The following SAMD3 variants were observed in gnomAD, a reference collection of about 807,000 sequenced individuals.
The protein encoded by SAMD3 is sterile alpha motif domain-containing protein 3.
SAMD3 carries 63 observed loss-of-function variants against 58.5 expected under a neutral mutation model. The observed-to-expected ratio is 1.08, with a 90% CI of 0.88 to 1.33. The LOEUF is 1.33. SAMD3 is among the 40% of genes most tolerant of loss of function. The probability of loss-of-function intolerance (pLI) is 0.00; values close to 1 mark genes in which losing one functional copy is unlikely to be tolerated. For missense variants in SAMD3, 604 were observed against 608.4 expected, an observed-to-expected ratio of 0.99 and a Z score of 0.08; for synonymous variants, 220 against 210.3, an observed-to-expected ratio of 1.05 and a Z score of -0.40.
intron 9 of SAMD3, among the ~76,000 whole-genome samples, chr6:130,147,265 T>A (rs551921020): frequency 2.6e-5 from 4 of 152,228 alleles, no homozygotes; most frequent in Non-Finnish European, 5.9e-5. Flanking sequence ...TTGAATGTTT[T>A]GGTAGATCAT....
intron 2 of SAMD3, among the ~76,000 whole-genome samples, chr6:130,246,009 A>C (rs1258545680): frequency 4.6e-5 from 7 of 152,194 alleles, no homozygotes; most frequent in African/African-American, 1.7e-4. Context: ...AGGGAAGCAT[A>C]GATCAATCTG....
At chr6:130,318,433 T>A (rs574776145) in intron 1 of SAMD3, among the ~76,000 whole-genome samples, 57 of 152,262 alleles carry the variant, frequency 3.7e-4, no homozygotes, top group East Asian at 7.7e-4. Flanking sequence ...ATTTTTTTTT[T>A]AATTTTTTAT....
At chr6:130,204,937 T>C (rs566060397) in intron 5 of SAMD3, among the ~76,000 whole-genome samples, 15 of 152,160 alleles carry the variant, frequency 9.9e-5, no homozygotes, top group African/African-American at 3.1e-4. Context: ...GGACTACATA[T>C]TGAGGTGCAG....
chr6:130,196,422 CTG>C lies in SAMD3; in HGVS notation c.384-11801_384-11800del, dbSNP rs1794120440. On this transcript the variant is annotated intron_variant, in intron 5 of 11. Coordinates refer to ENST00000439090, the MANE Select transcript of SAMD3 (RefSeq NM_001017373.4). ...CTGATACCACACCTGACCCTCATGACTGTATCTCTCTGATCCACCTGACGTTC... is the reference window on the plus strand; with the variant it reads ...CTGATACCACACCTGACCCTCATGACTATCTCTCTGATCCACCTGACGTTC... 2.6e-5 allele frequency among the ~76,000 whole-genome samples: 4 copies of C among 152,302 alleles called. No individual in the cohort carries two copies. In the South Asian group the frequency reaches 8.3e-4, roughly 32 times the overall value.
chr6:130,204,942 G>C (rs1038759490), intron 5 of SAMD3, among the ~76,000 whole-genome samples: 2 of 151,998 alleles, frequency 1.3e-5, no homozygotes, highest in African/African-American at 4.8e-5. Context: ...ACATATTGAG[G>C]TGCAGGAGAC....
Position 130,222,874 on chromosome 6 carries a change from A to T in SAMD3, c.-248T>A, listed in dbSNP as rs1351233140. On this transcript the variant is annotated 5_prime_UTR_variant, in exon 1 of 12. Coordinates refer to ENST00000439090, the MANE Select transcript of SAMD3 (RefSeq NM_001017373.4). ...TCTTGGTTTCTCTTGAAAAATCAAA[A>T]GTTCTGGTGATACTGGGTTCATATT... 1 of 152,200 alleles carries T rather than the reference A, an allele frequency of 6.6e-6. No individual in the cohort carries two copies. Among genetic ancestry groups the T allele is most frequent in the Non-Finnish European group, 1.5e-5 (1 of 68,040 alleles). The allele number at this position is 152,200 out of a possible 1,614,324, so 9.4% of individuals were successfully genotyped here. A position where few individuals can be genotyped will look rare whatever the true frequency, so the allele number is the denominator to read the frequency against.
chr6:130,310,764 C>T (rs1776123623), intron 2 of SAMD3, among the ~76,000 whole-genome samples: 2 of 152,086 alleles, frequency 1.3e-5, no homozygotes, highest in Admixed American at 1.3e-4. Context: ...AATTATATTG[C>T]AAAAATAATG....
At chr6:130,314,091 A>C (rs1776277587) in intron 1 of SAMD3, among the ~76,000 whole-genome samples, 1 of 152,200 alleles carries the variant, frequency 6.6e-6, no homozygotes, top group Admixed American at 6.5e-5. Flanking sequence ...TGCTTATCTG[A>C]AACTAGGTTT....
At chr6:130,241,614 CTAATATA>C (rs1773362148) in intron 2 of SAMD3, among the ~76,000 whole-genome samples, 1 of 151,820 alleles carries the variant, frequency 6.6e-6, no homozygotes, top group South Asian at 2.1e-4. Flanking sequence ...TTACCCCTTA[CTAATATA>C]TAAGAAAATA....
rs930931741 is a variant in SAMD3 at position 130,196,362 on chromosome 6, T to C, written c.384-11739A>G. 2.0e-5 allele frequency among the ~76,000 whole-genome samples: 3 copies of C among 152,198 alleles called. No individual in the cohort carries two copies. In the South Asian group the frequency reaches 6.2e-4, roughly 32 times the overall value. ...TAAGTCCCACAATTATCATTGTTCCTGGCCCAGACTTCAATCTGGCCTCCC... is the reference window on the plus strand; with the variant it reads ...TAAGTCCCACAATTATCATTGTTCCCGGCCCAGACTTCAATCTGGCCTCCC... On this transcript the variant is annotated intron_variant, in intron 5 of 11. Transcript: ENST00000439090.
At chr6:130,294,625 AAT>A (rs1775492879) in intron 2 of SAMD3, among the ~76,000 whole-genome samples, 1 of 127,566 alleles carries the variant, frequency 7.8e-6, no homozygotes, top group East Asian at 2.4e-4. Flanking sequence ...TGCAAGGATT[AAT>A]TTTTTTTTTT....
At chr6:130,299,266 C>T (rs765771823) in intron 2 of SAMD3, among the ~76,000 whole-genome samples, 4 of 152,090 alleles carry the variant, frequency 2.6e-5, no homozygotes, top group African/African-American at 9.7e-5. Context: ...TATCAAGCAT[C>T]TTCTCAGACC....
chr6:130,308,137 CTTTA>C (rs538279316), intron 2 of SAMD3, among the ~76,000 whole-genome samples: 91 of 152,072 alleles, frequency 6.0e-4, no homozygotes, highest in Non-Finnish European at 1.1e-3. Flanking sequence ...TTGACCTTTA[CTTTA>C]TTTGTTTGGG....
intron 1 of SAMD3, among the ~76,000 whole-genome samples, chr6:130,333,191 G>C (rs769647837): frequency 1.3e-5 from 2 of 151,900 alleles, no homozygotes; most frequent in African/African-American, 4.8e-5. Context: ...TTATGACCTA[G>C]GTCTTTTTTG....
intron 2 of SAMD3, among the ~76,000 whole-genome samples, chr6:130,275,348 T>C (rs1439837919): frequency 2.0e-5 from 3 of 152,138 alleles, no homozygotes; most frequent in African/African-American, 7.2e-5. Context: ...TATTAAAAAA[T>C]AGTCGAAAGA....
intron 2 of SAMD3, among the ~76,000 whole-genome samples, chr6:130,239,189 A>G (rs1215659513): frequency 2.6e-5 from 4 of 152,170 alleles, no homozygotes; most frequent in African/African-American, 7.2e-5. Context: ...CTACACAGCT[A>G]CCTTGCAAAT....
intron 1 of SAMD3, among the ~76,000 whole-genome samples, chr6:130,321,657 T>G (rs117071640): frequency 3.0e-3 from 452 of 152,296 alleles, no homozygotes; most frequent in Non-Finnish European, 4.5e-3. Context: ...ATTCAAAGTA[T>G]TATTATATGT....
chr6:130,207,057 G>A (rs1039454132), intron 5 of SAMD3, among the ~76,000 whole-genome samples: 6 of 151,186 alleles, frequency 4.0e-5, no homozygotes, highest in African/African-American at 1.5e-4. Flanking sequence ...GCTAAGGCGG[G>A]AGGATTTCCG....
chr6:130,254,371 T>C (rs757389259), intron 2 of SAMD3, among the ~76,000 whole-genome samples: 1 of 151,950 alleles, frequency 6.6e-6, no homozygotes, highest in Non-Finnish European at 1.5e-5. Context: ...ATCTTTTGTA[T>C]GTTTGATAGA....
Sources: allele counts gnomAD v4.1 joint callset (sites outside exome capture counted in the v4.1 genomes callset), GRCh38; gene constraint gnomAD v4.1.1; transcripts MANE v1.5; gene names NCBI Gene and HGNC (gene_info 2026-07-23, HGNC 2026-07-21).